The following ERG variants were observed in gnomAD, a reference collection of about 807,000 sequenced individuals.
ERG encodes ETS transcription factor ERG.
In ERG, 9 loss-of-function variants were observed where a neutral mutation model predicts 55.3. The observed-to-expected ratio is 0.16, with a 90% CI of 0.10 to 0.28. The LOEUF (loss-of-function observed/expected upper bound fraction) is 0.28, where lower values mean the gene tolerates loss of function less well. Ranked by LOEUF, ERG falls within the 10% of genes least tolerant of loss-of-function variation. The pLI is 1.00. For synonymous variants in ERG, 223 were observed against 237.3 expected (o/e 0.94, Z 0.55); for missense variants, 434 against 631.6 (o/e 0.69, Z 3.35).
chr21:38,462,050 T>C (rs1434963991), intron 1 of ERG, among the ~76,000 whole-genome samples: 1 of 151,906 alleles, frequency 6.6e-6, no homozygotes, highest in Non-Finnish European at 1.5e-5. Flanking sequence ...GGCGCGATCT[T>C]GGCTCACTGC....
At chr21:38,391,126 T>C in intron 8 of ERG, 84 bp from the exon 9 acceptor site, 3 of 1,211,280 alleles carry the variant, frequency 2.5e-6, no homozygotes, top group South Asian at 1.3e-5. Flanking sequence ...CCTGACTTAA[T>C]TGTTTTTTCA....
Position 38,423,402 on chromosome 21 carries a change from C to T in ERG, c.388+8G>A, listed in dbSNP as rs1444647086. The T allele has an allele frequency of 1.9e-6, 3 of 1,609,842 alleles. No homozygotes were observed. The highest frequency in any genetic ancestry group is 2.2e-5 in the South Asian group (2 of 90,682). On this transcript the variant is annotated splice_region_variant and intron_variant, in intron 3 of 9. Coordinates refer to ENST00000288319, the MANE Select transcript of ERG (RefSeq NM_182918.4). ...CTGCCGAGGGCAGTGAAGCTGTGGGCACCTGACCTGCTGGCACGATAACTC... is the reference window on the plus strand; with the variant it reads ...CTGCCGAGGGCAGTGAAGCTGTGGGTACCTGACCTGCTGGCACGATAACTC...
At chr21:38,572,192 T>TA (rs11406884) in intron 2 of ERG, among the ~76,000 whole-genome samples, 107,296 of 130,508 alleles carry the variant, frequency 0.82, 44,241 homozygotes, top group Non-Finnish European at 0.86. Context: ...CCGTCTCTAC[T>TA]AAAAAAAAAA....
At chr21:38,587,708 T>C (rs965635400), upstream of ERG, among the ~76,000 whole-genome samples, 7 of 152,334 alleles carry the variant, frequency 4.6e-5, no homozygotes, top group East Asian at 1.2e-3. Flanking sequence ...AAGCCAATAT[T>C]GACTATTGCT....
In ERG at chr21:38,429,629, GTA is replaced by G. The variant is rs551178158; in HGVS notation, c.237-6070_237-6069del. 2.1e-4 allele frequency among the ~76,000 whole-genome samples: 30 copies of G among 144,880 alleles called. 3 individuals are homozygous for G. The highest frequency in any genetic ancestry group is 6.2e-4 in the African/African-American group (24 of 38,768). ...TACACATGTACATATATACATATGT[GTA>G]TATATACATGTATACACATGTACAT... On this transcript the variant is annotated intron_variant, in intron 2 of 9. Coordinates refer to ENST00000288319, the MANE Select transcript of ERG (RefSeq NM_182918.4).
At chr21:38,404,543 T>A (rs996477742) in intron 3 of ERG, among the ~76,000 whole-genome samples, 12 of 152,202 alleles carry the variant, frequency 7.9e-5, no homozygotes, top group African/African-American at 2.9e-4. Context: ...CCCTCAGTGG[T>A]AGGGTCTTCA....
chr21:38,530,323 G>C (rs1200412527), intron 2 of ERG, among the ~76,000 whole-genome samples: 2 of 152,174 alleles, frequency 1.3e-5, no homozygotes, highest in African/African-American at 2.4e-5. Flanking sequence ...GCCTCCCAAA[G>C]TGCCGGGATT....
chr21:38,577,796 T>C (rs2060003901), intron 1 of ERG, among the ~76,000 whole-genome samples: 1 of 152,214 alleles, frequency 6.6e-6, no homozygotes, highest in Admixed American at 6.5e-5. Flanking sequence ...TATTTCCGTA[T>C]GTCTGGACAT....
intron 2 of ERG, among the ~76,000 whole-genome samples, chr21:38,427,965 T>C (rs921122202): frequency 2.0e-5 from 3 of 152,102 alleles, no homozygotes; most frequent in Admixed American, 6.6e-5. Flanking sequence ...GATAGGTGAA[T>C]TGTTTTAGCT....
intron 2 of ERG, among the ~76,000 whole-genome samples, chr21:38,547,171 G>A (rs995575567): frequency 6.6e-6 from 1 of 152,188 alleles, no homozygotes; most frequent in Non-Finnish European, 1.5e-5. Context: ...TCACCCTAAA[G>A]TGCTACATGA....
chr21:38,560,680 C>A (rs905570273), intron 2 of ERG, among the ~76,000 whole-genome samples: 2 of 152,080 alleles, frequency 1.3e-5, no homozygotes, highest in Admixed American at 1.3e-4. Flanking sequence ...CCAATACCAG[C>A]AAAAAGTGAC....
intron 3 of ERG, among the ~76,000 whole-genome samples, chr21:38,413,483 T>C (rs1413559997): frequency 6.6e-6 from 1 of 152,184 alleles, no homozygotes; most frequent in Non-Finnish European, 1.5e-5. Flanking sequence ...AAATTACTTA[T>C]ATGAATTGTA....
intron 1 of ERG, among the ~76,000 whole-genome samples, chr21:38,497,663 C>A (rs972448111): frequency 1.3e-5 from 2 of 152,234 alleles, no homozygotes; most frequent in Non-Finnish European, 2.9e-5. Context: ...ACCAAACACC[C>A]CACAGCACAG....
upstream of ERG, among the ~76,000 whole-genome samples, chr21:38,500,767 T>C (rs1209260153): frequency 2.0e-5 from 3 of 152,316 alleles, no homozygotes; most frequent in East Asian, 1.9e-4. Context: ...ATTTGATCAA[T>C]ATTCGATCCA....
chr21:38,519,738 G>A (rs1296913145), intron 2 of ERG, among the ~76,000 whole-genome samples: 1 of 152,132 alleles, frequency 6.6e-6, no homozygotes, highest in Non-Finnish European at 1.5e-5. Context: ...ATGTACAATA[G>A]AGATGTGTGT....
rs1473359032 is a variant in ERG at position 38,395,114 on chromosome 21, T to C, written c.746-2670A>G. On this transcript the variant is annotated intron_variant, in intron 6 of 9. Coordinates refer to ENST00000288319, the MANE Select transcript of ERG (RefSeq NM_182918.4). ...ACAGTTATATGAACAATGATTCACA[T>C]GTTCATAAACATATTGCCGCGGAAG... 2.0e-5 allele frequency among the ~76,000 whole-genome samples: 3 copies of C among 152,376 alleles called. No individual in the cohort carries two copies. In the East Asian group the frequency reaches 5.8e-4, roughly 29 times the overall value.
intron 1 of ERG, among the ~76,000 whole-genome samples, chr21:38,598,239 G>A (rs1405007544): frequency 6.6e-6 from 1 of 152,170 alleles, no homozygotes; most frequent in Non-Finnish European, 1.5e-5. Flanking sequence ...ACCATCTGAT[G>A]CCACCTGCAT....
chr21:38,606,038 GATAA>G (rs1354084871), intron 1 of ERG, among the ~76,000 whole-genome samples: 1 of 151,128 alleles, frequency 6.6e-6, no homozygotes, highest in Non-Finnish European at 1.5e-5. Context: ...ATTGATAGAT[GATAA>G]ATGATAAATG....
chr21:38,369,152 G>A, the ERG span, among the ~76,000 whole-genome samples: 3 of 152,110 alleles, frequency 2.0e-5, no homozygotes, highest in Middle Eastern at 3.2e-3. Flanking sequence ...TTGCTAAATC[G>A]AATGGTATTT....
Sources: allele counts gnomAD v4.1 joint callset (sites outside exome capture counted in the v4.1 genomes callset), GRCh38; gene constraint gnomAD v4.1.1; transcripts MANE v1.5; gene names NCBI Gene and HGNC (gene_info 2026-07-23, HGNC 2026-07-21).